Variants in PPP1R12B observed in about 807,000 individuals in gnomAD.
The protein encoded by PPP1R12B is myosin phosphatase target subunit 2.
A neutral mutation model predicts 126.1 loss-of-function variants in PPP1R12B; 76 were observed. The observed-to-expected ratio is 0.60, with a 90% confidence interval of 0.50 to 0.73. The LOEUF is 0.73. Among genes scored for constraint, PPP1R12B ranks in the 30% least tolerant of loss-of-function variants. The pLI is 0.00. For synonymous variants in PPP1R12B, 356 were observed against 434.7 expected (o/e 0.82, Z 2.25); for missense variants, 1,052 against 1,205.1 (o/e 0.87, Z 1.88).
intron 18 of PPP1R12B, among the ~76,000 whole-genome samples, chr1:202,510,864 G>GTA (rs544552201): frequency 4.8e-5 from 7 of 145,528 alleles, no homozygotes; most frequent in Non-Finnish European, 7.5e-5. Context: ...ATTCAGGCAA[G>GTA]TATATATATA....
intron 23 of PPP1R12B, among the ~76,000 whole-genome samples, chr1:202,579,729 A>G (rs532600444): frequency 2.0e-5 from 3 of 152,328 alleles, no homozygotes; most frequent in Middle Eastern, 3.4e-3. Context: ...TGTGAATTAC[A>G]ATGCCATCCC....
chr1:202,521,137 A>C (rs549776551), intron 18 of PPP1R12B, among the ~76,000 whole-genome samples: 1 of 152,320 alleles, frequency 6.6e-6, no homozygotes, highest in Admixed American at 6.5e-5. Flanking sequence ...ACTTGGACCC[A>C]AAATACTTTT....
chr1:202,442,655 C>A, intron 12 of PPP1R12B, 83 bp downstream of exon 12: 1 of 1,347,342 alleles, frequency 7.4e-7, no homozygotes, highest in Non-Finnish European at 1.0e-6. Context: ...TTTTTATGTC[C>A]AATTAACACC....
intron 1 of PPP1R12B, among the ~76,000 whole-genome samples, chr1:202,378,204 C>A (rs1661570401): frequency 6.8e-6 from 1 of 147,582 alleles, no homozygotes; most frequent in Non-Finnish European, 1.5e-5. Flanking sequence ...CCGTTCTGTG[C>A]TCTCTTCTTC....
Position 202,583,003 on chromosome 1 carries a change from T to C in PPP1R12B, c.*2443T>C, listed in dbSNP as rs1689635867. 6.6e-6 allele frequency: 1 copy of C among 152,196 alleles called. No homozygotes were observed. Among genetic ancestry groups the C allele is most frequent in the Admixed American group, 6.5e-5 (1 of 15,280 alleles). 9.4% of individuals were successfully genotyped at this position (152,196 alleles called of 1,614,324 possible). A position where few individuals can be genotyped will look rare whatever the true frequency, so the allele number is the denominator to read the frequency against. ...AATTCTGTCTTTCATTTCCAACCATTTTTCAAGAGAAGCTGCTACTATCTT... is the reference window on the plus strand; with the variant it reads ...AATTCTGTCTTTCATTTCCAACCATCTTTCAAGAGAAGCTGCTACTATCTT... On this transcript the variant is annotated 3_prime_UTR_variant, in exon 24 of 24. Coordinates refer to ENST00000608999, the MANE Select transcript of PPP1R12B (RefSeq NM_002481.4).
intron 1 of PPP1R12B, among the ~76,000 whole-genome samples, chr1:202,353,198 T>G (rs911048142): frequency 2.6e-5 from 4 of 152,236 alleles, no homozygotes; most frequent in African/African-American, 7.2e-5. Context: ...GTGTGCTAAC[T>G]CATATGGTAA....
chr1:202,489,320 AT>A (rs1322828033), intron 14 of PPP1R12B, among the ~76,000 whole-genome samples: 1 of 152,214 alleles, frequency 6.6e-6, no homozygotes. Flanking sequence ...GAGTTTGGCA[AT>A]TCCTCAAAAT....
At chr1:202,501,714 T>G (rs1211327613) in intron 18 of PPP1R12B, 1 of 246,882 alleles carries the variant, frequency 4.1e-6, no homozygotes, top group Non-Finnish European at 6.5e-6. Context: ...AAATTAAGAA[T>G]TATTTGGGCA....
intron 13 of PPP1R12B, among the ~76,000 whole-genome samples, chr1:202,484,153 A>AT (rs1248600082): frequency 1.3e-5 from 2 of 150,864 alleles, no homozygotes; most frequent in South Asian, 2.1e-4. Flanking sequence ...TATTTTGTAA[A>AT]TTTTTTTTTC....
At position 202,484,925 on chromosome 1, in the gene PPP1R12B, G is replaced by A. The variant is rs57609648; in HGVS notation, c.1851-3608G>A. ...TACAGCAGGGCCACACAACCCTGCA[G>A]TGGTCTGTCTTTGGGGCAGGGCTGC... On this transcript the variant is annotated intron_variant, in intron 13 of 23. Coordinates refer to ENST00000608999, the MANE Select transcript of PPP1R12B (RefSeq NM_002481.4). 1.2e-3 allele frequency among the ~76,000 whole-genome samples: 182 copies of A among 152,298 alleles called. 3 individuals are homozygous for A. The East Asian group carries it at 0.032, about 26-fold the overall frequency.
intron 12 of PPP1R12B, chr1:202,444,929 A>G: frequency 2.3e-6 from 2 of 866,586 alleles, no homozygotes; most frequent in South Asian, 6.2e-5. Context: ...CCCAGTTGTC[A>G]TACCCTTTCT....
intron 22 of PPP1R12B, among the ~76,000 whole-genome samples, chr1:202,568,797 A>G (rs1688313495): frequency 6.6e-6 from 1 of 152,196 alleles, no homozygotes. Flanking sequence ...CCTTTTTGAT[A>G]ATAGAGAGCA....
intron 1 of PPP1R12B, among the ~76,000 whole-genome samples, chr1:202,409,312 A>C (rs568546613): frequency 6.9e-6 from 1 of 144,028 alleles, no homozygotes; most frequent in East Asian, 2.2e-4. Context: ...AAGGATTTTA[A>C]TTCCTTGCCA....
At chr1:202,440,538 A>G (rs150309392) in intron 10 of PPP1R12B, among the ~76,000 whole-genome samples, 168 bp from the exon 11 acceptor site, 7 of 152,340 alleles carry the variant, frequency 4.6e-5, no homozygotes, top group African/African-American at 1.4e-4. Context: ...AAAGTTAGGA[A>G]TAAGCTTTTG....
chr1:202,404,612 G>C (rs1387840305), intron 1 of PPP1R12B, among the ~76,000 whole-genome samples: 2 of 152,134 alleles, frequency 1.3e-5, no homozygotes, highest in Non-Finnish European at 2.9e-5. Context: ...CGGTTCTCCT[G>C]CCTCAGCCTC....
At chr1:202,439,072 C>A in intron 10 of PPP1R12B, 1 of 1,400,374 alleles carries the variant, frequency 7.1e-7, no homozygotes, top group Non-Finnish European at 1.0e-6. Context: ...ATGACCTTGC[C>A]ATCAAGACCA....
chr1:202,540,073 C>G (rs1429693724), intron 18 of PPP1R12B: 1 of 1,505,252 alleles, frequency 6.6e-7, no homozygotes, highest in East Asian at 2.5e-5. Context: ...GGGTAACCTA[C>G]AGGGAAATTT....
intron 1 of PPP1R12B, among the ~76,000 whole-genome samples, chr1:202,374,493 CTTTT>C (rs1160730172): frequency 2.2e-5 from 2 of 89,504 alleles, no homozygotes; most frequent in African/African-American, 8.7e-5. Flanking sequence ...TTGTCTCTCT[CTTTT>C]TTTTTTTTTT....
intron 13 of PPP1R12B, chr1:202,462,865 G>T: frequency 1.0e-6 from 1 of 985,252 alleles, no homozygotes; most frequent in Non-Finnish European, 1.2e-6. Flanking sequence ...GTGGCAAGGT[G>T]TGTCTGAGAT....
Sources: gnomAD v4.1 joint callset for allele counts (sites outside exome capture counted in the v4.1 genomes callset) on GRCh38, gnomAD v4.1.1 for gene constraint, MANE v1.5 for transcripts, NCBI Gene and HGNC (gene_info 2026-07-23, HGNC 2026-07-21) for gene names.